Variants in CTNNA2 observed in about 807,000 individuals in gnomAD.
CTNNA2 encodes the protein catenin alpha-2.
In CTNNA2, 42 loss-of-function variants were observed where a neutral mutation model predicts 101.0. The ratio of observed to expected loss-of-function variants is 0.42; its 90% confidence interval spans 0.32 to 0.54. The LOEUF is 0.54. CTNNA2 is among the 20% of genes least tolerant of loss of function. The probability of loss-of-function intolerance (pLI) is 0.14; values close to 1 mark genes in which losing one functional copy is unlikely to be tolerated. For synonymous variants in CTNNA2, 450 were observed against 456.4 expected (o/e 0.99, Z 0.18); for missense variants, 871 against 1,223.1 (o/e 0.71, Z 4.29).
intron 7 of CTNNA2, among the ~76,000 whole-genome samples, chr2:79,992,442 T>A (rs185011229): frequency 3.2e-4 from 49 of 152,330 alleles, no homozygotes; most frequent in African/African-American, 1.2e-3. Context: ...GAGCTTTCCA[T>A]TTGTTGTATT....
At chr2:79,438,904 A>G (rs1678747671) in intron 4 of CTNNA2, among the ~76,000 whole-genome samples, 1 of 152,210 alleles carries the variant, frequency 6.6e-6, no homozygotes, top group Non-Finnish European at 1.5e-5. Context: ...ACTAAAATAA[A>G]AAAGATTGGT....
intron 7 of CTNNA2, among the ~76,000 whole-genome samples, chr2:79,930,351 AGAAAG>A (rs1558651260): frequency 1.1e-5 from 1 of 87,510 alleles, no homozygotes; most frequent in Non-Finnish European, 2.7e-5. Context: ...AAAGAAAGAA[AGAAAG>A]AATGAACACG....
intron 2 of CTNNA2, among the ~76,000 whole-genome samples, chr2:79,206,772 G>A (rs1674105512): frequency 6.6e-6 from 1 of 152,088 alleles, no homozygotes; most frequent in African/African-American, 2.4e-5. Flanking sequence ...GTCTCTTTTA[G>A]CATTCATCTC....
intron 7 of CTNNA2, among the ~76,000 whole-genome samples, chr2:80,326,515 C>T (rs923171128): frequency 6.6e-6 from 1 of 152,110 alleles, no homozygotes; most frequent in Non-Finnish European, 1.5e-5. Flanking sequence ...TTATGTACTG[C>T]TCAGGGTGAT....
intron 7 of CTNNA2, among the ~76,000 whole-genome samples, chr2:80,197,457 T>G (rs1205384823): frequency 1.3e-5 from 2 of 152,178 alleles, no homozygotes; most frequent in African/African-American, 4.8e-5. Context: ...CCTTACAGTC[T>G]CAATATAAGG....
At chr2:80,365,654 T>G (rs1222537853) in intron 7 of CTNNA2, among the ~76,000 whole-genome samples, 1 of 152,018 alleles carries the variant, frequency 6.6e-6, no homozygotes, top group Non-Finnish European at 1.5e-5. Flanking sequence ...TGTAGACACT[T>G]TTAAAAAAAA....
intron 2 of CTNNA2, among the ~76,000 whole-genome samples, chr2:79,664,441 C>G (rs1448804803): frequency 2.6e-5 from 4 of 152,118 alleles, no homozygotes; most frequent in Non-Finnish European, 5.9e-5. Context: ...AATATATATT[C>G]ATTATCACTT....
intron 16 of CTNNA2, 136 bp downstream of exon 16, chr2:80,604,315 C>T (rs1470351446): frequency 4.4e-6 from 3 of 683,456 alleles, no homozygotes; most frequent in Middle Eastern, 2.5e-4. Context: ...ATATTTTACA[C>T]ACTGGTATCT....
chr2:79,684,667 A>G (rs2104662931), intron 2 of CTNNA2, among the ~76,000 whole-genome samples: 1 of 152,338 alleles, frequency 6.6e-6, no homozygotes, highest in Non-Finnish European at 1.5e-5. Flanking sequence ...AAAAATGGTA[A>G]TAGCAACACC....
chr2:79,930,493 T>C (rs1316952483), intron 7 of CTNNA2, among the ~76,000 whole-genome samples: 4 of 152,134 alleles, frequency 2.6e-5, no homozygotes, highest in Non-Finnish European at 5.9e-5. Flanking sequence ...TTGGTGCAAC[T>C]GGTGGAGAAT....
At chr2:79,634,462 G>A (rs147848947) in intron 1 of CTNNA2, 1 of 152,264 alleles carries the variant, frequency 6.6e-6, no homozygotes, top group East Asian at 1.9e-4. Context: ...GTTCAATTTC[G>A]AAGGGGCTGC....
chr2:79,332,616 T>C (rs1326894989), intron 3 of CTNNA2, among the ~76,000 whole-genome samples: 1 of 152,204 alleles, frequency 6.6e-6, no homozygotes, highest in Non-Finnish European at 1.5e-5. Context: ...TGTAGAAACA[T>C]ACGTTTTAAA....
intron 12 of CTNNA2, among the ~76,000 whole-genome samples, chr2:80,569,575 T>A (rs1464680699): frequency 6.6e-6 from 1 of 150,840 alleles, no homozygotes; most frequent in African/African-American, 2.4e-5. Context: ...AGAAGCAGCA[T>A]CATATTTGAG....
intron 7 of CTNNA2, among the ~76,000 whole-genome samples, chr2:79,949,594 C>T (rs1688740254): frequency 7.0e-6 from 1 of 143,820 alleles, no homozygotes; most frequent in Non-Finnish European, 1.6e-5. Flanking sequence ...ATAGCTAGAC[C>T]TTGCCTCTAC....
chr2:80,601,421 C>CTTTT (rs56921519), intron 15 of CTNNA2, among the ~76,000 whole-genome samples: 9 of 84,346 alleles, frequency 1.1e-4, no homozygotes, highest in Middle Eastern at 6.3e-3. Context: ...TTCTTTCTTT[C>CTTTT]TTTTTTTTTT....
At position 80,054,616 on chromosome 2, in the gene CTNNA2, C is replaced by T. The variant is rs116278888; in HGVS notation, c.1056+144819C>T. Among the ~76,000 whole-genome samples the T allele has an allele frequency of 6.8e-3, 1,033 of 152,234 alleles. 11 individuals are homozygous for T. The highest frequency in any genetic ancestry group is 0.024 in the African/African-American group (1,000 of 41,536). On this transcript the variant is annotated intron_variant, in intron 7 of 18. Transcript: ENST00000402739. ...TGGTCCCACCTCTCCACCCCTTAGG[C>T]ATAAGGACTAGTGGGCAGGTTTAAT...
intron 2 of CTNNA2, among the ~76,000 whole-genome samples, chr2:79,711,338 C>T (rs1305723139): frequency 1.3e-5 from 2 of 152,064 alleles, no homozygotes; most frequent in African/African-American, 4.8e-5. Flanking sequence ...TGCTTGGATT[C>T]CAGATATGCT....
intron 3 of CTNNA2, among the ~76,000 whole-genome samples, chr2:79,827,231 G>C (rs1450082881): frequency 6.6e-6 from 1 of 151,962 alleles, no homozygotes; most frequent in African/African-American, 2.4e-5. Flanking sequence ...TAGAAACAGA[G>C]TTTTACCACA....
chr2:80,581,808 C>T lies in CTNNA2; in HGVS notation c.1996C>T (p.Gln666Ter). ...QTEDDQLIAGQSARAIMAQLP... is the reference protein window; with the variant it reads ...QTEDDQLIAG The stretch of plus-strand genomic sequence containing the variant: ...TGAGGATGACCAGCTCATTGCAGGG[C>T]AGAGCGCACGGGTGAGTGGACACCT... Residue 666 changes from glutamine to a stop codon, truncating the protein, a stop_gained, in exon 14 of 19, where the codon CAG (glutamine) becomes TAG (stop). Transcript: ENST00000402739. LOFTEE classifies it high-confidence loss of function. 1 of 1,604,936 alleles carries T rather than the reference C, an allele frequency of 6.2e-7. No individual in the cohort carries two copies. The highest frequency in any genetic ancestry group is 8.5e-7 in the Non-Finnish European group (1 of 1,171,968).
Sources: gnomAD v4.1 joint callset for allele counts (sites outside exome capture counted in the v4.1 genomes callset) on GRCh38, gnomAD v4.1.1 for gene constraint, MANE v1.5 for transcripts, NCBI Gene and HGNC (gene_info 2026-07-23, HGNC 2026-07-21) for gene names.